SCHIP1: variants seen among roughly 807,000 people sequenced by gnomAD.
SCHIP1 encodes the protein schwannomin interacting protein 1.
SCHIP1 carries 8 observed loss-of-function variants against 29.7 expected under a neutral mutation model. The ratio of observed to expected loss-of-function variants is 0.27; its 90% CI spans 0.16 to 0.49. The LOEUF (loss-of-function observed/expected upper bound fraction) is 0.49. SCHIP1 is among the 20% of genes least tolerant of loss of function. The pLI is 0.99. For missense variants in SCHIP1, 193 were observed against 294.6 expected (o/e 0.66, Z 2.52); for synonymous variants, 76 against 94.9 (o/e 0.80, Z 1.16).
the SCHIP1 span, among the ~76,000 whole-genome samples, chr3:159,557,225 G>T: frequency 6.6e-6 from 1 of 152,050 alleles, no homozygotes; most frequent in Non-Finnish European, 1.5e-5. Flanking sequence ...CCAAAAAAAA[G>T]ATTCTTAAAT....
At chr3:159,719,640 A>T in the SCHIP1 span, among the ~76,000 whole-genome samples, 1 of 152,254 alleles carries the variant, frequency 6.6e-6, no homozygotes, top group Non-Finnish European at 1.5e-5. Flanking sequence ...AAAAATGCTC[A>T]TCATCACTGG....
chr3:159,397,798 G>A, the SCHIP1 span, among the ~76,000 whole-genome samples: 64 of 152,346 alleles, frequency 4.2e-4, no homozygotes, highest in African/African-American at 1.3e-3. Flanking sequence ...TGCCCCCAGA[G>A]GTTGAGCCTA....
chr3:159,576,723 C>T, the SCHIP1 span, among the ~76,000 whole-genome samples: 2 of 152,082 alleles, frequency 1.3e-5, no homozygotes, highest in African/African-American at 4.8e-5. Context: ...GTTTCAACTC[C>T]CCGACTTATG....
At chr3:159,892,586 A>G in intron 6 of SCHIP1, 1 of 313,884 alleles carries the variant, frequency 3.2e-6, no homozygotes, top group Non-Finnish European at 5.8e-6. Flanking sequence ...TGTATGATCC[A>G]GTTCTTGATC....
At chr3:159,424,621 G>A in the SCHIP1 span, among the ~76,000 whole-genome samples, 1 of 152,174 alleles carries the variant, frequency 6.6e-6, no homozygotes, top group African/African-American at 2.4e-5. Flanking sequence ...CACTCTGCAG[G>A]ATATTATCCA....
At chr3:159,284,936 TA>T in the SCHIP1 span, among the ~76,000 whole-genome samples, 1 of 152,194 alleles carries the variant, frequency 6.6e-6, no homozygotes, top group Non-Finnish European at 1.5e-5. Flanking sequence ...GTTCTCGATC[TA>T]ATAAGCAGTA....
the SCHIP1 span, among the ~76,000 whole-genome samples, chr3:159,812,758 G>A: frequency 0.054 from 8,161 of 152,098 alleles, 342 homozygotes; most frequent in Non-Finnish European, 0.066. Flanking sequence ...CCTTTAATAG[G>A]TGTTGTCTTA....
the SCHIP1 span, among the ~76,000 whole-genome samples, chr3:159,610,003 A>G: frequency 1.3e-5 from 2 of 152,296 alleles, no homozygotes; most frequent in South Asian, 2.1e-4. Flanking sequence ...GCCACATACT[A>G]TACTAAGCAT....
the SCHIP1 span, among the ~76,000 whole-genome samples, chr3:159,506,649 T>G: frequency 1.3e-5 from 2 of 152,222 alleles, no homozygotes; most frequent in Non-Finnish European, 2.9e-5. Flanking sequence ...TTGTATAAGG[T>G]ATAAGGAAGG....
the SCHIP1 span, among the ~76,000 whole-genome samples, chr3:159,370,902 C>A: frequency 6.6e-6 from 1 of 152,256 alleles, no homozygotes; most frequent in South Asian, 2.1e-4. Flanking sequence ...CTGAATTACA[C>A]AACCAGTTTT....
At chr3:159,837,123 A>G (rs767661774), upstream of SCHIP1, among the ~76,000 whole-genome samples, 6 of 149,862 alleles carry the variant, frequency 4.0e-5, no homozygotes, top group Non-Finnish European at 7.5e-5. Flanking sequence ...TTTTTTTTTT[A>G]ACAACACATG....
chr3:159,364,990 A>G, the SCHIP1 span, among the ~76,000 whole-genome samples: 1 of 152,156 alleles, frequency 6.6e-6, no homozygotes, highest in Non-Finnish European at 1.5e-5. Context: ...AAAATGAAGC[A>G]CCTAATAGGC....
the SCHIP1 span, among the ~76,000 whole-genome samples, chr3:159,304,279 C>A: frequency 6.6e-6 from 1 of 151,980 alleles, no homozygotes; most frequent in South Asian, 2.1e-4. Context: ...TTTTAAAGAC[C>A]AGTTAATACA....
the SCHIP1 span, among the ~76,000 whole-genome samples, chr3:159,807,648 A>C: frequency 1.3e-5 from 2 of 152,206 alleles, no homozygotes; most frequent in Non-Finnish European, 2.9e-5. Flanking sequence ...CTAAGTAGGA[A>C]AATTCTCTTG....
chr3:159,364,276 T>G, the SCHIP1 span, among the ~76,000 whole-genome samples: 1 of 152,218 alleles, frequency 6.6e-6, no homozygotes, highest in East Asian at 1.9e-4. Context: ...ATGTTACTTT[T>G]AGAAGTGAGC....
the SCHIP1 span, among the ~76,000 whole-genome samples, chr3:159,705,761 C>T: frequency 6.6e-6 from 1 of 152,144 alleles, no homozygotes; most frequent in African/African-American, 2.4e-5. Flanking sequence ...GGCTGGAGTG[C>T]AGTGGCGCGA....
chr3:159,629,063 A>G, the SCHIP1 span, among the ~76,000 whole-genome samples: 1 of 152,190 alleles, frequency 6.6e-6, no homozygotes, highest in Non-Finnish European at 1.5e-5. Context: ...TATCAATTAT[A>G]CATGCTGAAA....
At chr3:159,704,885 TTTC>T in the SCHIP1 span, among the ~76,000 whole-genome samples, 1 of 77,076 alleles carries the variant, frequency 1.3e-5, no homozygotes, top group Non-Finnish European at 2.2e-5. Context: ...TCTTTCTTTC[TTTC>T]TTTCTTTCTT....
chr3:159,788,370 A>C, the SCHIP1 span, among the ~76,000 whole-genome samples: 42 of 152,372 alleles, frequency 2.8e-4, no homozygotes, highest in Non-Finnish European at 4.7e-4. Context: ...CAGTCACTGC[A>C]CTTAAAATCA....
Sources: gnomAD v4.1 joint callset for allele counts (sites outside exome capture counted in the v4.1 genomes callset) on GRCh38, gnomAD v4.1.1 for gene constraint, MANE v1.5 for transcripts, NCBI Gene and HGNC (gene_info 2026-07-23, HGNC 2026-07-21) for gene names.